CAST: variants seen among roughly 807,000 people sequenced by gnomAD.
CAST encodes the protein calpastatin, also known as MIR583 host.
CAST carries 76 observed loss-of-function variants against 119.6 expected under a neutral mutation model. The ratio of observed to expected loss-of-function variants is 0.64; its 90% CI spans 0.53 to 0.77. The LOEUF is 0.77. Ranked by LOEUF, CAST falls within the 30% of genes least tolerant of loss-of-function variation. The probability of loss-of-function intolerance (pLI) is 0.00; values close to 1 mark genes in which losing one functional copy is unlikely to be tolerated. For missense variants in CAST, 953 were observed against 946.5 expected (o/e 1.01, Z -0.09); for synonymous variants, 319 against 331.6 (o/e 0.96, Z 0.41).
chr5:96,772,511 A>ATGTT (rs1772815831), intron 31 of CAST, 129 bp from the exon 32 acceptor site: 1 of 152,634 alleles, frequency 6.6e-6, no homozygotes, highest in African/African-American at 2.4e-5. Context: ...ATCCACTTTC[A>ATGTT]TGTTTACTTA....
chr5:96,463,833 C>T, the CAST span, among the ~76,000 whole-genome samples: 2 of 152,074 alleles, frequency 1.3e-5, no homozygotes, highest in Non-Finnish European at 2.9e-5. Context: ...TTCTTTCTTT[C>T]ACCACCTCTG....
chr5:96,164,908 C>T, the CAST span, among the ~76,000 whole-genome samples: 1 of 151,990 alleles, frequency 6.6e-6, no homozygotes, highest in African/African-American at 2.4e-5. Context: ...CGTGCAGAGC[C>T]TGGCATGGGA....
chr5:96,524,163 C>T (rs1479485408), upstream of CAST, among the ~76,000 whole-genome samples: 1 of 152,190 alleles, frequency 6.6e-6, no homozygotes, highest in African/African-American at 2.4e-5. Context: ...GAATGTGATT[C>T]GCATGTCATT....
At chr5:96,505,782 C>T in the CAST span, among the ~76,000 whole-genome samples, 1 of 152,212 alleles carries the variant, frequency 6.6e-6, no homozygotes, top group Non-Finnish European at 1.5e-5. Context: ...AGTCCTACTG[C>T]CGCCAGCTGG....
the CAST span, among the ~76,000 whole-genome samples, chr5:96,274,623 A>C: frequency 4.1e-4 from 62 of 152,336 alleles, no homozygotes; most frequent in African/African-American, 1.5e-3. Flanking sequence ...GCGTGTCTAC[A>C]TTTTCACCCA....
the CAST span, among the ~76,000 whole-genome samples, chr5:96,268,859 C>G: frequency 6.6e-6 from 1 of 152,168 alleles, no homozygotes; most frequent in Non-Finnish European, 1.5e-5. Flanking sequence ...TTGTAATCCC[C>G]ATGTGTAGGG....
intron 1 of CAST, among the ~76,000 whole-genome samples, chr5:96,548,776 CA>C (rs1746065473): frequency 6.6e-6 from 1 of 152,150 alleles, no homozygotes; most frequent in African/African-American, 2.4e-5. Flanking sequence ...TAGCCAAAAA[CA>C]AACAAACAAA....
At chr5:96,448,762 A>G in the CAST span, among the ~76,000 whole-genome samples, 1 of 152,110 alleles carries the variant, frequency 6.6e-6, no homozygotes, top group South Asian at 2.1e-4. Context: ...TAAACATCAT[A>G]TCACTGATCA....
At chr5:96,013,166 T>A in the CAST span, among the ~76,000 whole-genome samples, 8 of 151,756 alleles carry the variant, frequency 5.3e-5, no homozygotes, top group African/African-American at 1.7e-4. Context: ...ATTCACTTGA[T>A]TCAAAAATAA....
At chr5:96,442,214 C>G in the CAST span, among the ~76,000 whole-genome samples, 1 of 152,190 alleles carries the variant, frequency 6.6e-6, no homozygotes, top group Non-Finnish European at 1.5e-5. Context: ...CTCTCTACCC[C>G]TTACCAGCAC....
At chr5:95,973,597 A>G in the CAST span, among the ~76,000 whole-genome samples, 1 of 152,120 alleles carries the variant, frequency 6.6e-6, no homozygotes, top group Non-Finnish European at 1.5e-5. Flanking sequence ...GTTTTTTTCC[A>G]TTGAACTGTA....
At chr5:96,394,806 G>A in the CAST span, 1 of 1,530,056 alleles carries the variant, frequency 6.5e-7, no homozygotes, top group Admixed American at 1.7e-5. Flanking sequence ...CAGCTTCACT[G>A]ACTACATTGT....
chr5:95,979,004 G>C, the CAST span, among the ~76,000 whole-genome samples: 5 of 152,050 alleles, frequency 3.3e-5, no homozygotes, highest in African/African-American at 1.2e-4. Context: ...TCAGTGAACT[G>C]GTGGCAGTAT....
the CAST span, chr5:96,413,015 G>C: frequency 2.1e-6 from 2 of 953,088 alleles, no homozygotes; most frequent in African/African-American, 3.6e-5. Context: ...GCCACACAAG[G>C]ACTCTGGACA....
the CAST span, among the ~76,000 whole-genome samples, chr5:96,398,499 A>G: frequency 3.0e-4 from 45 of 152,210 alleles, no homozygotes; most frequent in Non-Finnish European, 5.7e-4. Flanking sequence ...CCAGTTTTCA[A>G]TGGACTCCTT....
the CAST span, among the ~76,000 whole-genome samples, chr5:96,311,592 T>A: frequency 6.6e-6 from 1 of 152,096 alleles, no homozygotes; most frequent in South Asian, 2.1e-4. Context: ...TGGGTGCATA[T>A]GCATATATAT....
At chr5:96,079,581 A>G in the CAST span, among the ~76,000 whole-genome samples, 2 of 152,204 alleles carry the variant, frequency 1.3e-5, no homozygotes, top group Non-Finnish European at 2.9e-5. Context: ...AAAGATATAC[A>G]ATGAAAAATG....
chr5:96,119,567 C>T, the CAST span, among the ~76,000 whole-genome samples: 1 of 152,056 alleles, frequency 6.6e-6, no homozygotes, highest in East Asian at 1.9e-4. Context: ...TAATCTGTTA[C>T]TAAAAGAATG....
At chr5:96,212,277 C>T in the CAST span, among the ~76,000 whole-genome samples, 703 of 152,178 alleles carry the variant, frequency 4.6e-3, 6 homozygotes, top group South Asian at 7.0e-3. Flanking sequence ...CTGTAAATTT[C>T]CCTCTAAGCA....
Sources: allele counts gnomAD v4.1 joint callset (sites outside exome capture counted in the v4.1 genomes callset), GRCh38; gene constraint gnomAD v4.1.1; transcripts MANE v1.5; gene names NCBI Gene and HGNC (gene_info 2026-07-23, HGNC 2026-07-21).